BBX: variants seen among roughly 807,000 people sequenced by gnomAD.
BBX encodes the protein BBX high mobility group box domain containing.
Under a neutral mutation model 100.2 loss-of-function variants are expected in BBX, and 30 were observed. The observed-to-expected ratio is 0.30, with a 90% CI of 0.22 to 0.41. The LOEUF (loss-of-function observed/expected upper bound fraction) is 0.41, where lower values mean the gene tolerates loss of function less well. Among genes scored for constraint, BBX ranks in the 10% least tolerant of loss-of-function variants. The pLI, the probability that BBX is intolerant of heterozygous loss-of-function variation, is 1.00. For synonymous variants in BBX, 376 were observed against 388.1 expected (o/e 0.97, Z 0.37); for missense variants, 1,023 against 1,129.8 (o/e 0.91, Z 1.35).
chr3:107,718,291 ATAG>A (rs1275242900), intron 5 of BBX, among the ~76,000 whole-genome samples: 4 of 118,498 alleles, frequency 3.4e-5, no homozygotes, highest in Admixed American at 1.9e-4. Context: ...GTTAATTATA[ATAG>A]TATTAATATA....
At chr3:107,534,685 G>A (rs890849067) in intron 2 of BBX, among the ~76,000 whole-genome samples, 2 of 152,138 alleles carry the variant, frequency 1.3e-5, no homozygotes, top group Non-Finnish European at 2.9e-5. Context: ...ATAAAAAATT[G>A]TTGATAAATG....
chr3:107,598,958 G>A (rs960453580), intron 2 of BBX, among the ~76,000 whole-genome samples: 2 of 152,058 alleles, frequency 1.3e-5, no homozygotes, highest in Non-Finnish European at 2.9e-5. Flanking sequence ...GCAAGCCTGG[G>A]GCCCTCTGGC....
intron 5 of BBX, among the ~76,000 whole-genome samples, chr3:107,727,224 G>A (rs187796321): frequency 7.9e-5 from 12 of 152,146 alleles, no homozygotes; most frequent in African/African-American, 1.9e-4. Flanking sequence ...AACCCGGCCC[G>A]TGTGCTTTTA....
At chr3:107,766,993 A>C (rs959658510) in intron 10 of BBX, among the ~76,000 whole-genome samples, 1 of 152,322 alleles carries the variant, frequency 6.6e-6, no homozygotes, top group African/African-American at 2.4e-5. Context: ...ATTAGTGGGA[A>C]TTGAACAATG....
intron 2 of BBX, among the ~76,000 whole-genome samples, chr3:107,572,193 C>G (rs1411570506): frequency 6.6e-6 from 1 of 152,218 alleles, no homozygotes; most frequent in Non-Finnish European, 1.5e-5. Context: ...CCACTGTGTG[C>G]TGGTGACCAC....
At chr3:107,734,383 C>A (rs1454266331) in intron 7 of BBX, among the ~76,000 whole-genome samples, 2 of 152,140 alleles carry the variant, frequency 1.3e-5, no homozygotes, top group Non-Finnish European at 2.9e-5. Flanking sequence ...TGTGCCTTTG[C>A]ATATTCATTA....
At chr3:107,538,430 T>G (rs1559787458) in intron 2 of BBX, among the ~76,000 whole-genome samples, 1 of 152,280 alleles carries the variant, frequency 6.6e-6, no homozygotes, top group Non-Finnish European at 1.5e-5. Flanking sequence ...AATATGACCT[T>G]ATATGGTCAT....
At chr3:107,755,735 T>C in intron 10 of BBX, 57 bp downstream of exon 10, 1 of 1,419,390 alleles carries the variant, frequency 7.0e-7, no homozygotes, top group Non-Finnish European at 1.0e-6. Flanking sequence ...TTACAAAATA[T>C]TCTAACAGTG....
intron 2 of BBX, among the ~76,000 whole-genome samples, chr3:107,540,092 G>A (rs956527927): frequency 6.6e-6 from 1 of 152,188 alleles, no homozygotes; most frequent in Non-Finnish European, 1.5e-5. Flanking sequence ...CTGCCAAATA[G>A]TAGGGATTCA....
In BBX at chr3:107,693,219, A is replaced by T. The variant is rs1348432773; in HGVS notation, c.-9-17233A>T. Among the ~76,000 whole-genome samples, 2 of 151,542 alleles carry T rather than the reference A, an allele frequency of 1.3e-5. 1 individual carries two copies. Among genetic ancestry groups the T allele is most frequent in the Non-Finnish European group, 2.9e-5 (2 of 67,986 alleles). The stretch of plus-strand genomic sequence containing the variant: ...TTAGTTTAATTAGATCCCATTTGAC[A>T]ATTTTGGCTTTTGTTGCCATTGCTG... On this transcript the variant is annotated intron_variant, in intron 3 of 17. Transcript: ENST00000325805.
intron 2 of BBX, among the ~76,000 whole-genome samples, chr3:107,615,631 G>C (rs549391387): frequency 2.6e-5 from 4 of 152,212 alleles, no homozygotes; most frequent in African/African-American, 9.6e-5. Flanking sequence ...CAATTTTGAA[G>C]GAACACATTC....
intron 2 of BBX, among the ~76,000 whole-genome samples, chr3:107,626,562 C>T (rs896777781): frequency 6.6e-6 from 1 of 152,080 alleles, no homozygotes; most frequent in Non-Finnish European, 1.5e-5. Flanking sequence ...GGGAGGATCA[C>T]TTCAAGGTGG....
At chr3:107,778,673 C>T (rs2067529572) in intron 13 of BBX, among the ~76,000 whole-genome samples, 154 bp downstream of exon 13, 1 of 151,948 alleles carries the variant, frequency 6.6e-6, no homozygotes. Flanking sequence ...ATCTTTGTCC[C>T]TTTTTTTCTT....
intron 12 of BBX, among the ~76,000 whole-genome samples, chr3:107,775,327 A>G (rs2067235519): frequency 6.6e-6 from 1 of 152,150 alleles, no homozygotes; most frequent in African/African-American, 2.4e-5. Context: ...AGATAAAAAT[A>G]TCAGGTCAAA....
rs2071265288 is a variant in BBX at position 107,811,065 on chromosome 3, T to G, written c.*5608T>G. ...AGTCAATATACACATTTATATAATT[T>G]CTTTCTTCAAAATCTTATACCTAAT... On this transcript the variant is annotated 3_prime_UTR_variant, in exon 18 of 18. Transcript: ENST00000325805. 2 of 152,238 alleles carry G rather than the reference T, an allele frequency of 1.3e-5. No individual in the cohort carries two copies. Among genetic ancestry groups the G allele is most frequent in the African/African-American group, 4.8e-5 (2 of 41,478 alleles). 9.4% of individuals were successfully genotyped at this position (152,238 alleles called of 1,614,324 possible).
chr3:107,694,755 G>A (rs889540702), intron 3 of BBX, among the ~76,000 whole-genome samples: 4 of 151,686 alleles, frequency 2.6e-5, no homozygotes, highest in African/African-American at 4.9e-5. Flanking sequence ...GATTGGAATA[G>A]TTTCAGAAGG....
intron 2 of BBX, among the ~76,000 whole-genome samples, chr3:107,555,975 A>G (rs2050068742): frequency 6.6e-6 from 1 of 152,248 alleles, no homozygotes; most frequent in Non-Finnish European, 1.5e-5. Context: ...TGATAGAAAC[A>G]TAATGGGGCA....
chr3:107,696,558 A>G (rs370174876), intron 3 of BBX, among the ~76,000 whole-genome samples: 2 of 151,880 alleles, frequency 1.3e-5, no homozygotes, highest in African/African-American at 2.4e-5. Context: ...AGTTTCTGCC[A>G]AGAGATCCGC....
At chr3:107,562,523 C>T (rs2050582112) in intron 2 of BBX, among the ~76,000 whole-genome samples, 1 of 151,824 alleles carries the variant, frequency 6.6e-6, no homozygotes. Flanking sequence ...TTAGTTTTGA[C>T]AGGTTAACTG....
Sources: gnomAD v4.1 joint callset for allele counts (sites outside exome capture counted in the v4.1 genomes callset) on GRCh38, gnomAD v4.1.1 for gene constraint, MANE v1.5 for transcripts, NCBI Gene and HGNC (gene_info 2026-07-23, HGNC 2026-07-21) for gene names.